The following ZNF366 variants were observed in gnomAD, a reference collection of about 807,000 sequenced individuals.
The protein encoded by ZNF366 is dendritic cell-specific transcript protein.
A neutral mutation model predicts 47.2 loss-of-function variants in ZNF366; 20 were observed. The observed-to-expected ratio is 0.42, with a 90% confidence interval of 0.30 to 0.62. The LOEUF (loss-of-function observed/expected upper bound fraction) is 0.62. Ranked by LOEUF, ZNF366 falls within the 20% of genes least tolerant of loss-of-function variation. The pLI is 0.16. For synonymous variants in ZNF366, 421 were observed against 395.1 expected, an observed-to-expected ratio of 1.07 and a Z score of -0.78; for missense variants, 987 against 976.3, an observed-to-expected ratio of 1.01 and a Z score of -0.15.
At chr5:72,459,128 A>G (rs1277834111) in intron 2 of ZNF366, among the ~76,000 whole-genome samples, 2 of 152,018 alleles carry the variant, frequency 1.3e-5, no homozygotes, top group African/African-American at 4.8e-5. Flanking sequence ...CACACATTTC[A>G]TCTCTGTGGC....
At chr5:72,455,471 A>G (rs1006185397) in intron 3 of ZNF366, among the ~76,000 whole-genome samples, 7 of 152,206 alleles carry the variant, frequency 4.6e-5, no homozygotes, top group Non-Finnish European at 7.3e-5. Context: ...TGAATGTGGT[A>G]ATTTCCCTCT....
Position 72,443,871 on chromosome 5 carries a change from C to T in ZNF366, c.2120G>A (p.Ser707Asn), listed in dbSNP as rs768140909. The part of the protein sequence containing the change: ...DECLSLRAFQ[S>N]TRRGPSFSDY... ...AGAAAAAGAGGGGCCCCGCCGGGTA[C>T]TCTGAAAAGCCCTGAGACTGAGACA... The change falls in exon 5 of 5, where the codon AGT becomes AAT. Residue 707 changes from serine (S) to asparagine (N), a missense_variant. This residue lies in a region of ZNF366 where 285 missense variants were observed against 234.8 expected (regional missense o/e 1.21). Transcript: ENST00000318442. 6.2e-7 allele frequency: 1 copy of T among 1,614,220 alleles called. No individual in the cohort carries two copies. Among genetic ancestry groups the T allele is most frequent in the Non-Finnish European group, 8.5e-7 (1 of 1,180,042 alleles).
chr5:72,494,621 T>C (rs1744075537), intron 1 of ZNF366, among the ~76,000 whole-genome samples: 2 of 151,738 alleles, frequency 1.3e-5, no homozygotes, highest in Non-Finnish European at 2.9e-5. Context: ...TTTTTTTTTT[T>C]TTTGGTGTCA....
chr5:72,486,500 C>T (rs1338057251), intron 1 of ZNF366, among the ~76,000 whole-genome samples: 2 of 152,232 alleles, frequency 1.3e-5, no homozygotes, highest in African/African-American at 2.4e-5. Context: ...CCCTACACCA[C>T]CACACACAAA....
At chr5:72,503,751 G>A (rs1228998622) in intron 1 of ZNF366, among the ~76,000 whole-genome samples, 4 of 152,194 alleles carry the variant, frequency 2.6e-5, no homozygotes, top group Admixed American at 2.0e-4. Context: ...CCTTTTGCAC[G>A]TTAGTGCAGA....
chr5:72,489,817 T>G (rs1743969258), intron 1 of ZNF366, among the ~76,000 whole-genome samples: 1 of 152,200 alleles, frequency 6.6e-6, no homozygotes, highest in African/African-American at 2.4e-5. Context: ...CTAAGGGTCT[T>G]CTCAAGGGAA....
intron 1 of ZNF366, among the ~76,000 whole-genome samples, chr5:72,505,910 A>G (rs888433533): frequency 5.3e-5 from 8 of 152,178 alleles, no homozygotes; most frequent in Non-Finnish European, 7.3e-5. Context: ...GTCTCTTTAC[A>G]TTGCTCGTTT....
Position 72,460,888 on chromosome 5 carries a change from G to A in ZNF366, c.609C>T (p.Phe203=), listed in dbSNP as rs374470883. 20 of 1,613,600 alleles carry A rather than the reference G, an allele frequency of 1.2e-5. No individual in the cohort carries two copies. The East Asian group carries it at 4.0e-4, about 32-fold the overall frequency. ...GAGGTTCCGGGGGCTGCTTGGGCAG[G>A]AAGGTGTGCCGGCTGAAGGGGAAGG... is the stretch of plus-strand genomic sequence containing the variant. The part of the protein sequence containing the change: ...SSPFPFSRHT[F]LPKQPPEPLL... The change falls in exon 2 of 5, where the codon TTC becomes TTT. Residue 203 remains phenylalanine, a synonymous_variant. Coordinates refer to ENST00000318442, the MANE Select transcript of ZNF366 (RefSeq NM_152625.3).
intron 2 of ZNF366, 80 bp downstream of exon 2, chr5:72,460,085 G>C: frequency 6.5e-7 from 1 of 1,529,422 alleles, no homozygotes. Context: ...CGGCACAGGC[G>C]TCCTGCTCCC....
chr5:72,487,093 G>A (rs1438235264), intron 1 of ZNF366, among the ~76,000 whole-genome samples: 4 of 152,168 alleles, frequency 2.6e-5, no homozygotes, highest in Admixed American at 6.5e-5. Flanking sequence ...TCCATTTTAA[G>A]TGATCAACAA....
At chr5:72,492,205 C>T (rs117031952) in intron 1 of ZNF366, among the ~76,000 whole-genome samples, 4 of 152,274 alleles carry the variant, frequency 2.6e-5, no homozygotes, top group South Asian at 4.2e-4. Context: ...GACATGGGGC[C>T]AGTGAATATA....
chr5:72,478,724 G>A (rs1399847578), intron 1 of ZNF366, among the ~76,000 whole-genome samples: 1 of 152,198 alleles, frequency 6.6e-6, no homozygotes, highest in Non-Finnish European at 1.5e-5. Flanking sequence ...TTTTTGCAAA[G>A]GGTGGAAATA....
intron 3 of ZNF366, among the ~76,000 whole-genome samples, chr5:72,451,882 G>A (rs1368864755): frequency 1.3e-5 from 2 of 152,204 alleles, no homozygotes; most frequent in Non-Finnish European, 2.9e-5. Flanking sequence ...TGTGCTCCGG[G>A]CCTCCTCGTC....
At chr5:72,452,230 GAAGGGTGTTCCTTTCCTCA>G (rs1743088582) in intron 3 of ZNF366, among the ~76,000 whole-genome samples, 2 of 152,200 alleles carry the variant, frequency 1.3e-5, no homozygotes, top group Non-Finnish European at 2.9e-5. Context: ...CTTTTAATAA[GAAGGGTGTTCCTTTCCTCA>G]AAGGGAGAGA....
At chr5:72,477,287 GA>G (rs1371230483) in intron 1 of ZNF366, among the ~76,000 whole-genome samples, 1 of 152,166 alleles carries the variant, frequency 6.6e-6, no homozygotes, top group Non-Finnish European at 1.5e-5. Context: ...CTTTCCCAGA[GA>G]GGGTACACAG....
intron 1 of ZNF366, among the ~76,000 whole-genome samples, chr5:72,478,986 G>A (rs934319996): frequency 1.3e-5 from 2 of 152,166 alleles, no homozygotes; most frequent in African/African-American, 4.8e-5. Flanking sequence ...CTCCCTCCCT[G>A]TTTTCCTCCA....
chr5:72,444,169 C>G lies in ZNF366; in HGVS notation c.1822G>C (p.Gly608Arg). The change falls in exon 5 of 5, where the codon GGG becomes CGG. Residue 608 changes from glycine (G) to arginine (R), a missense_variant. By Grantham distance (125) the Gly-to-Arg change is moderately radical (BLOSUM62 -2). Transcript: ENST00000318442. Reference sequence around the variant, plus strand: ...CAGTGGCTGCCCTGGGCACTCTCCCCGTCTGACTGGAACACCGGCACCTTG... The same window carrying G: ...CAGTGGCTGCCCTGGGCACTCTCCCGGTCTGACTGGAACACCGGCACCTTG... ...RAKVPVFQSD[G>R]ESAQGSHCHE... 1 of 1,613,556 alleles carries G rather than the reference C, an allele frequency of 6.2e-7. No individual in the cohort carries two copies. Among genetic ancestry groups the G allele is most frequent in the Non-Finnish European group, 8.5e-7 (1 of 1,180,036 alleles).
Position 72,443,725 on chromosome 5 carries a change from A to G in ZNF366, c.*31T>C. The G allele has an allele frequency of 6.3e-7, 1 of 1,586,636 alleles. No individual in the cohort carries two copies. The highest frequency in any genetic ancestry group is 8.6e-7 in the Non-Finnish European group (1 of 1,167,520). On this transcript the variant is annotated 3_prime_UTR_variant, in exon 5 of 5. Transcript: ENST00000318442. ...GCTATATTTGAACTGCCTCCTTCTC[A>G]TTTTCCAAATGTAATTTTAAAACTG...
At chr5:72,479,403 T>C (rs1309551333) in intron 1 of ZNF366, among the ~76,000 whole-genome samples, 1 of 151,264 alleles carries the variant, frequency 6.6e-6, no homozygotes, top group Non-Finnish European at 1.5e-5. Flanking sequence ...TCTCTATTTA[T>C]TAAAAAAATT....
Sources: gnomAD v4.1 joint callset for allele counts (sites outside exome capture counted in the v4.1 genomes callset) on GRCh38, gnomAD v4.1.1 for gene constraint, gnomAD v4.1.1 regional missense constraint, MANE v1.5 for transcripts, NCBI Gene and HGNC (gene_info 2026-07-23, HGNC 2026-07-21) for gene names.